The following FANCL variants were observed in gnomAD, a reference collection of about 807,000 sequenced individuals.
FANCL encodes the protein E3 ubiquitin-protein ligase FANCL.
FANCL carries 69 observed loss-of-function variants against 59.4 expected under a neutral mutation model. The observed-to-expected ratio is 1.16, with a 90% CI of 0.96 to 1.42. The LOEUF (loss-of-function observed/expected upper bound fraction) is 1.42. Among genes scored for constraint, FANCL ranks in the 40% most tolerant of loss-of-function variants. The pLI is 0.00. For synonymous variants in FANCL, 180 were observed against 147.1 expected (o/e 1.22, Z -1.62); for missense variants, 519 against 447.2 (o/e 1.16, Z -1.45).
chr2:58,194,373 TCTGAC>T (rs1419028935), intron 7 of FANCL: 8 of 459,048 alleles, frequency 1.7e-5, no homozygotes, highest in Non-Finnish European at 2.7e-5. Flanking sequence ...TATTTACACA[TCTGAC>T]CTGTATGTAA....
At chr2:58,208,175 T>C (rs1215190370) in intron 5 of FANCL, among the ~76,000 whole-genome samples, 3 of 152,038 alleles carry the variant, frequency 2.0e-5, no homozygotes, top group African/African-American at 7.2e-5. Context: ...TAGGAAACAA[T>C]CATCATTGGA....
rs1363845379 is a variant in FANCL, at chr2:58,197,155, T to TA, written c.540+1438dup. On this transcript the variant is annotated intron_variant, in intron 7 of 13. Coordinates refer to ENST00000233741, the MANE Select transcript of FANCL (RefSeq NM_018062.4). ...TTCCATTGTGGGGAGATTGGGACTTTAAAAAAAAAAACAATAAAAGGATAT... is the reference window on the plus strand; with the variant it reads ...TTCCATTGTGGGGAGATTGGGACTTTAAAAAAAAAAAACAATAAAAGGATAT... 2.2e-3 allele frequency among the ~76,000 whole-genome samples: 313 copies of TA among 145,298 alleles called. 2 individuals carry two copies. Among genetic ancestry groups the TA allele is most frequent in the South Asian group, 3.7e-3 (17 of 4,626 alleles).
chr2:58,200,812 T>C (rs148379449), intron 6 of FANCL, among the ~76,000 whole-genome samples: 1 of 151,894 alleles, frequency 6.6e-6, no homozygotes, highest in African/African-American at 2.4e-5. Flanking sequence ...GTATGTAGTT[T>C]CTGAGATAAT....
intron 1 of FANCL, among the ~76,000 whole-genome samples, chr2:58,235,975 G>C (rs917699122): frequency 1.3e-5 from 2 of 151,202 alleles, no homozygotes; most frequent in Non-Finnish European, 2.9e-5. Flanking sequence ...CAGACCATGA[G>C]TGAGTTGTGA....
chr2:58,232,123 T>C lies in FANCL; in HGVS notation c.97-11A>G, dbSNP rs201875132. On this transcript the variant is annotated splice_polypyrimidine_tract_variant and intron_variant, in intron 1 of 13. Transcript: ENST00000233741. ...GTGGAAGTCTCTTCCCTGTGGAAAA[T>C]ATTGAAAAGGATCACTCAAATTTTT... 312 of 1,611,274 alleles carry C rather than the reference T, an allele frequency of 1.9e-4. No individual in the cohort carries two copies. The highest frequency in any genetic ancestry group is 2.5e-4 in the Non-Finnish European group (289 of 1,177,780).
At chr2:58,165,979 T>C in intron 7 of FANCL, 105 bp from the exon 8 acceptor site, 1 of 1,163,242 alleles carries the variant, frequency 8.6e-7, no homozygotes, top group Non-Finnish European at 1.3e-6. Flanking sequence ...CTGTTTCATT[T>C]TAGCTACAAA....
intron 9 of FANCL, 164 bp downstream of exon 9, chr2:58,163,270 G>C (rs1039998082): frequency 1.4e-6 from 1 of 728,786 alleles, no homozygotes; most frequent in East Asian, 2.7e-5. Context: ...GCGGTGAACC[G>C]AGATCGCGCC....
chr2:58,212,515 T>C (rs1023453021), intron 5 of FANCL, among the ~76,000 whole-genome samples: 1 of 152,120 alleles, frequency 6.6e-6, no homozygotes, highest in African/African-American at 2.4e-5. Flanking sequence ...ACAAAAAGCA[T>C]AAATTAGGGC....
At chr2:58,185,334 G>C (rs1327140406) in intron 7 of FANCL, among the ~76,000 whole-genome samples, 1 of 152,004 alleles carries the variant, frequency 6.6e-6, no homozygotes, top group Non-Finnish European at 1.5e-5. Context: ...CCGTATACGG[G>C]CTTGTCCATG....
chr2:58,180,370 C>G (rs1372137470), intron 7 of FANCL, among the ~76,000 whole-genome samples: 6 of 152,074 alleles, frequency 3.9e-5, no homozygotes, highest in African/African-American at 1.4e-4. Context: ...ACATATACAC[C>G]ATGGAATACT....
intron 1 of FANCL, among the ~76,000 whole-genome samples, chr2:58,234,333 G>A (rs2103954485): frequency 6.6e-6 from 1 of 151,936 alleles, no homozygotes; most frequent in South Asian, 2.1e-4. Context: ...TAAACGCAGG[G>A]TGAAATGAAA....
At chr2:58,185,443 T>C (rs1259570160) in intron 7 of FANCL, among the ~76,000 whole-genome samples, 2 of 152,172 alleles carry the variant, frequency 1.3e-5, no homozygotes, top group African/African-American at 4.8e-5. Context: ...CTAGCATATC[T>C]GACATTTAAA....
chr2:58,224,091 T>C (rs1399836617), intron 4 of FANCL, among the ~76,000 whole-genome samples: 1 of 151,796 alleles, frequency 6.6e-6, no homozygotes, highest in Non-Finnish European at 1.5e-5. Context: ...ATATTGTAAA[T>C]CAGAGATCTC....
rs1252756549 is a variant in FANCL, at chr2:58,159,570, T to C, written c.*195A>G. 1 of 1,613,874 alleles carries C rather than the reference T, an allele frequency of 6.2e-7. No individual in the cohort carries two copies. The highest frequency in any genetic ancestry group is 8.5e-7 in the Non-Finnish European group (1 of 1,179,828). On this transcript the variant is annotated 3_prime_UTR_variant, in exon 14 of 14. Transcript: ENST00000233741. ...GGATCACAGACTTAGAAAGTTCAACTGGACTTTGGCCTACAATTTCCCAGT... is the reference window on the plus strand; with the variant it reads ...GGATCACAGACTTAGAAAGTTCAACCGGACTTTGGCCTACAATTTCCCAGT...
rs1236727014 is a variant in FANCL at position 58,241,320 on chromosome 2, A to C, written c.-7T>G. 1 of 1,613,756 alleles carries C rather than the reference A, an allele frequency of 6.2e-7. No individual in the cohort carries two copies. Among genetic ancestry groups the C allele is most frequent in the Non-Finnish European group, 8.5e-7 (1 of 1,179,922 alleles). ...TCGCTTCCGTCACCGCCATGGCTCGAAGTCCGGAGAAACACAGAAAAGCTC... is the reference window on the plus strand; with the variant it reads ...TCGCTTCCGTCACCGCCATGGCTCGCAGTCCGGAGAAACACAGAAAAGCTC... On this transcript the variant is annotated 5_prime_UTR_variant, in exon 1 of 14. Coordinates refer to ENST00000233741, the MANE Select transcript of FANCL (RefSeq NM_018062.4).
At chr2:58,205,535 T>C (rs2105159378) in intron 5 of FANCL, among the ~76,000 whole-genome samples, 1 of 152,152 alleles carries the variant, frequency 6.6e-6, no homozygotes, top group Non-Finnish European at 1.5e-5. Flanking sequence ...CTCCCACACT[T>C]CAGATTCAAG....
At chr2:58,164,609 G>A (rs1327922338) in intron 8 of FANCL, among the ~76,000 whole-genome samples, 2 of 151,888 alleles carry the variant, frequency 1.3e-5, no homozygotes, top group Non-Finnish European at 2.9e-5. Flanking sequence ...AAGCTAAAAG[G>A]TAAATAGGGA....
intron 7 of FANCL, among the ~76,000 whole-genome samples, chr2:58,175,656 T>G (rs1007427001): frequency 1.4e-4 from 21 of 152,288 alleles, no homozygotes; most frequent in African/African-American, 4.6e-4. Flanking sequence ...GAGCTATCTA[T>G]GACAAACCCA....
intron 7 of FANCL, among the ~76,000 whole-genome samples, chr2:58,170,694 C>CAAA (rs145444832): frequency 2.1e-4 from 21 of 97,952 alleles, no homozygotes; most frequent in African/African-American, 5.1e-4. Context: ...AAATGGAAAG[C>CAAA]AAAAAAAAAA....
Sources: allele counts gnomAD v4.1 joint callset (sites outside exome capture counted in the v4.1 genomes callset), GRCh38; gene constraint gnomAD v4.1.1; transcripts MANE v1.5; gene names NCBI Gene and HGNC (gene_info 2026-07-23, HGNC 2026-07-21).